Variants in F5 observed in about 807,000 individuals in gnomAD.
F5 encodes coagulation factor V, also known as activated protein c cofactor.
In F5, 138 loss-of-function variants were observed where a neutral mutation model predicts 216.4. The observed-to-expected ratio is 0.64, with a 90% CI of 0.56 to 0.73. The LOEUF is 0.73. Among genes scored for constraint, F5 ranks in the 30% least tolerant of loss-of-function variants. The pLI, the probability that F5 is intolerant of heterozygous loss-of-function variation, is 0.00. For synonymous variants in F5, 916 were observed against 930.7 expected, an observed-to-expected ratio of 0.98 and a Z score of 0.29; for missense variants, 2,403 against 2,674.0, an observed-to-expected ratio of 0.90 and a Z score of 2.24.
intron 12 of F5, among the ~76,000 whole-genome samples, chr1:169,543,688 G>C (rs1659929642): frequency 1.3e-5 from 2 of 152,172 alleles, no homozygotes; most frequent in Admixed American, 1.3e-4. Flanking sequence ...AGATTTCTTG[G>C]TGAGTCTCCA....
chr1:169,528,137 A>T, intron 16 of F5, 43 bp from the exon 17 acceptor site: 1 of 1,610,362 alleles, frequency 6.2e-7, no homozygotes, highest in Non-Finnish European at 8.5e-7. Flanking sequence ...ATCTGTTGAC[A>T]CAGAGAGGGC....
chr1:169,543,155 G>A (rs1265539221), intron 12 of F5, 41 bp from the exon 13 acceptor site: 3 of 1,574,338 alleles, frequency 1.9e-6, no homozygotes, highest in South Asian at 1.1e-5. Context: ...CTGGAAGTCT[G>A]GGAAAAGACA....
At chr1:169,534,389 C>T (rs538137212) in intron 14 of F5, among the ~76,000 whole-genome samples, 15 of 152,222 alleles carry the variant, frequency 9.9e-5, no homozygotes, top group East Asian at 3.9e-4. Flanking sequence ...ATTGTTCAGC[C>T]GGGCGCAATG....
At chr1:169,562,031 A>G (rs1025835705) in intron 3 of F5, among the ~76,000 whole-genome samples, 1 of 149,334 alleles carries the variant, frequency 6.7e-6, no homozygotes, top group Non-Finnish European at 1.5e-5. Flanking sequence ...TCCTTTCATT[A>G]TCCTCATTGA....
intron 18 of F5, 50 bp downstream of exon 18, chr1:169,525,851 G>T: frequency 7.9e-7 from 1 of 1,259,150 alleles, no homozygotes; most frequent in Non-Finnish European, 1.2e-6. Context: ...TAATATTCTA[G>T]TAATAGGCAC....
intron 13 of F5, among the ~76,000 whole-genome samples, chr1:169,538,980 C>T (rs150930255): frequency 2.6e-5 from 4 of 152,040 alleles, no homozygotes; most frequent in African/African-American, 9.6e-5. Context: ...AGGATCTCTC[C>T]GTATTATTTC....
rs115069882 is a variant in F5 at position 169,575,514 on chromosome 1, G to A, written c.251-3171C>T. ...GTATTTGTGGAGGATGATCTCGGAGGAGACTGAGCAGAGAACAATTGAGAG... is the reference window on the plus strand; with the variant it reads ...GTATTTGTGGAGGATGATCTCGGAGAAGACTGAGCAGAGAACAATTGAGAG... On this transcript the variant is annotated intron_variant, in intron 2 of 24. Coordinates refer to ENST00000367797, the MANE Select transcript of F5 (RefSeq NM_000130.5). 2.4e-3 allele frequency among the ~76,000 whole-genome samples: 373 copies of A among 152,324 alleles called. 2 individuals carry two copies. The highest frequency in any genetic ancestry group is 4.0e-3 in the Non-Finnish European group (275 of 68,020).
intron 6 of F5, among the ~76,000 whole-genome samples, chr1:169,556,138 AC>A (rs1038776963): frequency 6.6e-6 from 1 of 151,956 alleles, no homozygotes; most frequent in Admixed American, 6.6e-5. Context: ...TTTGGAGCTC[AC>A]CCCTCAGTAT....
At chr1:169,532,484 G>A (rs1241654332) in intron 14 of F5, among the ~76,000 whole-genome samples, 1 of 152,180 alleles carries the variant, frequency 6.6e-6, no homozygotes, top group East Asian at 1.9e-4. Flanking sequence ...ACTGATAAAT[G>A]ACTTCAGTAA....
chr1:169,538,567 A>T (rs1659758805), intron 13 of F5, among the ~76,000 whole-genome samples: 1 of 152,208 alleles, frequency 6.6e-6, no homozygotes, highest in Non-Finnish European at 1.5e-5. Context: ...TCATGTTTAC[A>T]CCATAAATGT....
chr1:169,531,208 T>G (rs951303070), intron 14 of F5, among the ~76,000 whole-genome samples, 186 bp from the exon 15 acceptor site: 2 of 152,218 alleles, frequency 1.3e-5, no homozygotes, highest in African/African-American at 4.8e-5. Flanking sequence ...CCCAAGTAGT[T>G]TTCTCCAGAA....
Position 169,540,391 on chromosome 1 carries a change from T to A in F5, c.4699A>T (p.Ile1567Phe), listed in dbSNP as rs1486346029. The A allele has an allele frequency of 9.3e-6, 15 of 1,614,056 alleles. No individual in the cohort carries two copies. Among genetic ancestry groups the A allele is most frequent in the Non-Finnish European group, 1.3e-5 (15 of 1,179,942 alleles). The change falls in exon 13 of 25, where the codon ATT becomes TTT. Residue 1567 changes from isoleucine to phenylalanine, a missense_variant. This residue lies in a region of F5 where 293 missense variants were observed against 270.8 expected (regional missense o/e 1.08). Coordinates refer to ENST00000367797, the MANE Select transcript of F5 (RefSeq NM_000130.5). ...NINSSRDPDNIAAWYLRSNNG... is the reference protein window; with the variant it reads ...NINSSRDPDNFAAWYLRSNNG... Reference sequence around the variant, plus strand: ...TTGCTGCGGAGGTACCATGCTGCAATGTTGTCAGGATCTCTGGAGGAGTTG... The same window carrying A: ...TTGCTGCGGAGGTACCATGCTGCAAAGTTGTCAGGATCTCTGGAGGAGTTG...
At chr1:169,568,920 A>G (rs769914631) in intron 3 of F5, among the ~76,000 whole-genome samples, 6 of 152,078 alleles carry the variant, frequency 3.9e-5, no homozygotes, top group Non-Finnish European at 7.4e-5. Context: ...CTCCTAAGTT[A>G]ATAAACTTAG....
At chr1:169,585,364 T>C (rs1661079704) in intron 1 of F5, among the ~76,000 whole-genome samples, 1 of 152,208 alleles carries the variant, frequency 6.6e-6, no homozygotes, top group South Asian at 2.1e-4. Context: ...GGAACACATC[T>C]TTCATAATGA....
intron 13 of F5, among the ~76,000 whole-genome samples, chr1:169,537,495 C>T (rs992001832): frequency 2.0e-5 from 3 of 152,036 alleles, no homozygotes; most frequent in Non-Finnish European, 4.4e-5. Context: ...AATGGGATTG[C>T]CATCAAACTC....
intron 5 of F5, among the ~76,000 whole-genome samples, chr1:169,557,615 G>A (rs1221140564): frequency 6.6e-6 from 1 of 151,974 alleles, no homozygotes; most frequent in Non-Finnish European, 1.5e-5. Context: ...CAGTCACTGG[G>A]AAAATGCTCA....
intron 23 of F5, among the ~76,000 whole-genome samples, chr1:169,516,715 A>G (rs1236796983): frequency 1.3e-5 from 2 of 152,210 alleles, no homozygotes; most frequent in Non-Finnish European, 2.9e-5. Context: ...AGTTATGGAG[A>G]GAACAGCATC....
rs372389170 is a variant in F5, at chr1:169,550,752, A to G, written c.1297-13T>C. The G allele has an allele frequency of 2.2e-4, 352 of 1,573,176 alleles. No individual in the cohort carries two copies. Among genetic ancestry groups the G allele is most frequent in the Non-Finnish European group, 2.8e-4 (324 of 1,142,860 alleles). On this transcript the variant is annotated splice_polypyrimidine_tract_variant and intron_variant, in intron 8 of 24. Coordinates refer to ENST00000367797, the MANE Select transcript of F5 (RefSeq NM_000130.5). ...TTTTGAACACGATCTACAAAGTTAA[A>G]TCAAATTTATTCTAGGATTTAAGGT...
Position 169,544,396 on chromosome 1 carries a change from G to A in F5, c.1875C>T (p.His625=), listed in dbSNP as rs1186253290. The change falls in exon 12 of 25, where the codon CAC becomes CAT. Residue 625 remains histidine, a synonymous_variant. Transcript: ENST00000367797. ...CATAGATGAATGAGTGCCCAGTGAAGTGGATGGTCAAAATTTCATTCTGGG... is the reference window on the plus strand; with the variant it reads ...CATAGATGAATGAGTGCCCAGTGAAATGGATGGTCAAAATTTCATTCTGGG... ...VGTQNEILTI[H]FTGHSFIYGK... The A allele has an allele frequency of 4.3e-6, 7 of 1,614,036 alleles. No individual in the cohort carries two copies. Among genetic ancestry groups the A allele is most frequent in the Non-Finnish European group, 5.9e-6 (7 of 1,180,008 alleles).
Sources: allele counts gnomAD v4.1 joint callset (sites outside exome capture counted in the v4.1 genomes callset), GRCh38; gene constraint gnomAD v4.1.1; regional missense constraint gnomAD v4.1.1; transcripts MANE v1.5; gene names NCBI Gene and HGNC (gene_info 2026-07-23, HGNC 2026-07-21).